SLC8A1: variants seen among roughly 807,000 people sequenced by gnomAD.
The protein encoded by SLC8A1 is solute carrier family 8 member A1.
Under a neutral mutation model 68.3 loss-of-function variants are expected in SLC8A1, and 18 were observed. That is an observed-to-expected ratio of 0.26 (90% CI 0.18 to 0.39). The LOEUF is 0.39. Among genes scored for constraint, SLC8A1 ranks in the 10% least tolerant of loss-of-function variants. The pLI is 1.00. For missense variants in SLC8A1, 985 were observed against 1,156.7 expected (o/e 0.85, Z 2.15); for synonymous variants, 475 against 415.5 (o/e 1.14, Z -1.74).
At chr2:40,302,092 T>C (rs533647966) in intron 2 of SLC8A1, among the ~76,000 whole-genome samples, 2 of 138,538 alleles carry the variant, frequency 1.4e-5, no homozygotes, top group South Asian at 4.7e-4. Context: ...AGAAGGGGTT[T>C]CGCCGTGATG....
intron 2 of SLC8A1, among the ~76,000 whole-genome samples, chr2:40,362,152 C>T (rs549590819): frequency 3.3e-5 from 5 of 151,928 alleles, no homozygotes; most frequent in African/African-American, 1.2e-4. Flanking sequence ...GCCTCAGCCT[C>T]CCATAGTGCT....
At chr2:40,399,703 G>T (rs895739780) in intron 2 of SLC8A1, among the ~76,000 whole-genome samples, 1 of 151,810 alleles carries the variant, frequency 6.6e-6, no homozygotes, top group Non-Finnish European at 1.5e-5. Flanking sequence ...AAGGACATTT[G>T]GGGGAAAAAA....
rs553544461 is a variant in SLC8A1, at chr2:40,412,165, G to T, written c.1808+16308C>A. Among the ~76,000 whole-genome samples the T allele has an allele frequency of 1.8e-4, 27 of 152,200 alleles. 1 individual carries two copies. In the South Asian group the frequency reaches 5.4e-3, roughly 30 times the overall value. On this transcript the variant is annotated intron_variant, in intron 2 of 7. Transcript: ENST00000406785. The stretch of plus-strand genomic sequence containing the variant: ...GTTGCTATACTCTTCATGTTACACA[G>T]GCTGCTTAGCGATATGTCAGAATAT...
intron 2 of SLC8A1, among the ~76,000 whole-genome samples, chr2:40,406,096 T>G (rs1363964626): frequency 6.6e-6 from 1 of 152,202 alleles, no homozygotes; most frequent in Non-Finnish European, 1.5e-5. Context: ...TAATATTGGA[T>G]TCATTTGTTG....
intron 2 of SLC8A1, among the ~76,000 whole-genome samples, chr2:40,205,697 T>A (rs1161739005): frequency 2.0e-5 from 3 of 151,324 alleles, no homozygotes; most frequent in Non-Finnish European, 4.4e-5. Flanking sequence ...AACTAATGGG[T>A]ACTAGGCTTA....
rs924702264 is a variant in SLC8A1 at position 40,160,932 on chromosome 2, T to C, written c.2062-68A>G. 4.3e-6 allele frequency: 5 copies of C among 1,171,334 alleles called. No homozygotes were observed. In the African/African-American group the frequency reaches 4.6e-5, roughly 11 times the overall value. The allele number at this position is 1,171,334 out of a possible 1,614,324, so 72.6% of individuals were successfully genotyped here. A position where few individuals can be genotyped will look rare whatever the true frequency, so the allele number is the denominator to read the frequency against. On this transcript the variant is annotated intron_variant, in intron 5 of 7. Coordinates refer to ENST00000406785, the Ensembl canonical transcript of SLC8A1. ...AGGCCTCAGGAAATCCAAGACCTTG[T>C]TGATTTTGAAACTCCAGAGTTATAT...
chr2:40,304,085 C>T (rs1307387899), intron 2 of SLC8A1, among the ~76,000 whole-genome samples: 1 of 152,142 alleles, frequency 6.6e-6, no homozygotes, highest in Non-Finnish European at 1.5e-5. Context: ...ATAACAGATG[C>T]ACAATATTTG....
intron 2 of SLC8A1, among the ~76,000 whole-genome samples, chr2:40,403,065 T>C (rs1315902030): frequency 2.0e-5 from 3 of 152,216 alleles, no homozygotes; most frequent in Non-Finnish European, 4.4e-5. Context: ...ATGTAGGCTA[T>C]ATGCACAATA....
At chr2:40,207,496 TA>T (rs940315280) in intron 2 of SLC8A1, among the ~76,000 whole-genome samples, 50 of 150,964 alleles carry the variant, frequency 3.3e-4, no homozygotes, top group Non-Finnish European at 5.5e-4. Context: ...TACAGTTTCA[TA>T]AAAAAAAAGT....
At chr2:40,200,215 T>TAA (rs2053976437) in intron 2 of SLC8A1, among the ~76,000 whole-genome samples, 1 of 10,876 alleles carries the variant, frequency 9.2e-5, no homozygotes, top group African/African-American at 4.3e-4. Flanking sequence ...TAAATATATA[T>TAA]ATATTTTTTT....
chr2:40,248,852 G>C (rs916962216), intron 2 of SLC8A1, among the ~76,000 whole-genome samples: 6 of 152,150 alleles, frequency 3.9e-5, no homozygotes, highest in African/African-American at 1.4e-4. Context: ...TTTCTGGTTG[G>C]ACGGAGTTGT....
chr2:40,158,131 C>T (rs1429464627), intron 6 of SLC8A1, among the ~76,000 whole-genome samples: 2 of 152,108 alleles, frequency 1.3e-5, no homozygotes, highest in Non-Finnish European at 2.9e-5. Flanking sequence ...CTCAGTAGAG[C>T]CCTTTAAAAG....
At chr2:40,161,789 G>A (rs1439268543) in intron 5 of SLC8A1, among the ~76,000 whole-genome samples, 1 of 152,148 alleles carries the variant, frequency 6.6e-6, no homozygotes, top group African/African-American at 2.4e-5. Flanking sequence ...ACTAGTCTAC[G>A]AAACATCCAC....
chr2:40,332,986 G>A (rs1397948082), intron 2 of SLC8A1, among the ~76,000 whole-genome samples: 1 of 152,132 alleles, frequency 6.6e-6, no homozygotes, highest in Non-Finnish European at 1.5e-5. Flanking sequence ...AATACAAGCT[G>A]AAATAAAAAT....
intron 2 of SLC8A1, among the ~76,000 whole-genome samples, chr2:40,279,091 A>C (rs2067160616): frequency 6.6e-6 from 1 of 152,198 alleles, no homozygotes; most frequent in African/African-American, 2.4e-5. Flanking sequence ...TTTCCCATTG[A>C]TGAAGACATT....
chr2:40,104,894 A>C (rs2034101709), exon 8 of SLC8A1: 1 of 151,350 alleles, frequency 6.6e-6, no homozygotes, highest in Admixed American at 6.6e-5. Flanking sequence ...TTTCTTTTTT[A>C]TTCTTTTTCC....
chr2:40,169,562 C>T (rs1182918524), intron 4 of SLC8A1, among the ~76,000 whole-genome samples: 2 of 152,184 alleles, frequency 1.3e-5, no homozygotes, highest in Non-Finnish European at 2.9e-5. Context: ...CACAGATGTA[C>T]TATCATCTGG....
intron 1 of SLC8A1, among the ~76,000 whole-genome samples, chr2:40,461,862 C>G (rs374355147): frequency 1.1e-3 from 163 of 152,072 alleles, no homozygotes; most frequent in African/African-American, 3.3e-3. Flanking sequence ...CTGACACAAA[C>G]TAAAACACTA....
intron 2 of SLC8A1, among the ~76,000 whole-genome samples, chr2:40,317,772 T>C (rs1302055146): frequency 1.3e-5 from 2 of 152,076 alleles, no homozygotes; most frequent in Non-Finnish European, 2.9e-5. Context: ...TATCTGAAAA[T>C]TATGGCAATG....
Sources: gnomAD v4.1 joint callset for allele counts (sites outside exome capture counted in the v4.1 genomes callset) on GRCh38, gnomAD v4.1.1 for gene constraint, MANE v1.5 for transcripts, NCBI Gene and HGNC (gene_info 2026-07-23, HGNC 2026-07-21) for gene names.